RBBP4: variants seen among roughly 807,000 people sequenced by gnomAD.
RBBP4 encodes the protein histone-binding protein RBBP4.
Under a neutral mutation model 57.2 loss-of-function variants are expected in RBBP4, and 3 were observed. That is an observed-to-expected ratio of 0.05 (90% CI 0.02 to 0.14). RBBP4 has a LOEUF of 0.14. RBBP4 is among the 10% of genes least tolerant of loss of function. The pLI, the probability that RBBP4 is intolerant of heterozygous loss-of-function variation, is 1.00. For missense variants in RBBP4, 107 were observed against 520.6 expected (o/e 0.21, Z 7.73); for synonymous variants, 151 against 171.5 (o/e 0.88, Z 0.93).
chr1:32,661,259 G>A (rs1049486863), intron 3 of RBBP4, among the ~76,000 whole-genome samples: 1 of 149,942 alleles, frequency 6.7e-6, no homozygotes, highest in Non-Finnish European at 1.5e-5. Context: ...TATATTCCCG[G>A]TAATGGGATT....
chr1:32,667,980 A>G (rs953942227), intron 3 of RBBP4, among the ~76,000 whole-genome samples: 2 of 152,172 alleles, frequency 1.3e-5, no homozygotes, highest in Non-Finnish European at 2.9e-5. Flanking sequence ...ATTAATGGCT[A>G]GTTGAATTCA....
chr1:32,652,132 T>C, intron 2 of RBBP4, 71 bp downstream of exon 2: 2 of 1,512,750 alleles, frequency 1.3e-6, no homozygotes, highest in Non-Finnish European at 1.8e-6. Flanking sequence ...TTTTCTTTTT[T>C]CCGCTCTTCA....
chr1:32,659,556 C>T (rs1186197067), intron 3 of RBBP4, among the ~76,000 whole-genome samples: 1 of 89,196 alleles, frequency 1.1e-5, no homozygotes, highest in East Asian at 3.2e-4. Flanking sequence ...AAAAGGGAAA[C>T]TCCGTCTCAA....
At chr1:32,662,177 C>T in intron 3 of RBBP4, 1 of 316,276 alleles carries the variant, frequency 3.2e-6, no homozygotes, top group Non-Finnish European at 6.5e-6. Flanking sequence ...AGCCACCGCG[C>T]CCGGGTTTTT....
chr1:32,679,943 T>C lies in RBBP4; in HGVS notation c.*238T>C. ...TTCAGGAATTTTCTAGTAACCCAGG[T>C]CTAAAGTAGCTACAGAAAGGGGAAT... is the stretch of plus-strand genomic sequence containing the variant. On this transcript the variant is annotated 3_prime_UTR_variant, in exon 12 of 12. Transcript: ENST00000373493. The C allele has an allele frequency of 7.8e-7, 1 of 1,288,972 alleles. No homozygotes were observed. The highest frequency in any genetic ancestry group is 9.8e-7 in the Non-Finnish European group (1 of 1,021,244). The allele number at this position is 1,288,972 out of a possible 1,614,324, so 79.8% of individuals were successfully genotyped here.
intron 2 of RBBP4, among the ~76,000 whole-genome samples, chr1:32,655,897 G>A (rs797016761): frequency 4.6e-5 from 7 of 152,302 alleles, no homozygotes; most frequent in African/African-American, 1.4e-4. Context: ...ATCAGCTGGA[G>A]GTACTGTGAA....
In RBBP4 at chr1:32,652,950, ATATG is replaced by A. The variant is rs1440787478; in HGVS notation, c.164+890_164+893del. Among the ~76,000 whole-genome samples, 7 of 152,348 alleles carry A rather than the reference ATATG, an allele frequency of 4.6e-5. No homozygotes were observed. In the East Asian group the frequency reaches 1.3e-3, roughly 29 times the overall value. ...GATATAAACTAATAATTATAGTTAT[ATATG>A]GTGACAGCAGTTGTAGAGAGATAAT... is the stretch of plus-strand genomic sequence containing the variant. On this transcript the variant is annotated intron_variant, in intron 2 of 11. Transcript: ENST00000373493.
At chr1:32,666,880 T>G (rs1469155649) in intron 3 of RBBP4, among the ~76,000 whole-genome samples, 1 of 152,212 alleles carries the variant, frequency 6.6e-6, no homozygotes, top group South Asian at 2.1e-4. Context: ...GTTGTATTAC[T>G]AATATAACCA....
intron 2 of RBBP4, among the ~76,000 whole-genome samples, chr1:32,653,695 C>T (rs1648009703): frequency 8.2e-6 from 1 of 121,490 alleles, no homozygotes; most frequent in Non-Finnish European, 1.6e-5. Flanking sequence ...AGTCTCCTCT[C>T]TTGCCCAGGC....
At position 32,683,286 on chromosome 1, in the gene RBBP4, G is replaced by T. The variant is rs888494145; in HGVS notation, c.*3581G>T. The T allele has an allele frequency of 6.8e-6, 1 of 146,164 alleles. No individual in the cohort carries two copies. Among genetic ancestry groups the T allele is most frequent in the Non-Finnish European group, 1.5e-5 (1 of 66,694 alleles). 9.1% of individuals were successfully genotyped at this position (146,164 alleles called of 1,614,324 possible). A position where few individuals can be genotyped will look rare whatever the true frequency, so the allele number is the denominator to read the frequency against. On this transcript the variant is annotated 3_prime_UTR_variant, in exon 12 of 12. Transcript: ENST00000373493. Reference sequence around the variant, plus strand: ...TCTCAAAAAAAAAAAAAAAAAAAAAGAGTAAGTCTGTGTAACATGAACATC... The same window carrying T: ...TCTCAAAAAAAAAAAAAAAAAAAAATAGTAAGTCTGTGTAACATGAACATC...
intron 1 of RBBP4, 116 bp downstream of exon 1, chr1:32,651,438 G>GA: frequency 7.3e-7 from 1 of 1,369,094 alleles, no homozygotes; most frequent in Non-Finnish European, 9.5e-7. Flanking sequence ...CCCCGGTACT[G>GA]AAGGCGTGAA....
rs189277826 is a variant in RBBP4 at position 32,676,466 on chromosome 1, C to G, written c.1213-3174C>G. On this transcript the variant is annotated intron_variant, in intron 11 of 11. Coordinates refer to ENST00000373493, the MANE Select transcript of RBBP4 (RefSeq NM_005610.3). ...CTAAAAAATAAATACAAAAATTAGCCAGGCATGGTGACGGGCGCCTGTAAT... is the reference window on the plus strand; with the variant it reads ...CTAAAAAATAAATACAAAAATTAGCGAGGCATGGTGACGGGCGCCTGTAAT... Among the ~76,000 whole-genome samples, 229 of 151,914 alleles carry G rather than the reference C, an allele frequency of 1.5e-3. 2 individuals carry two copies. The highest frequency in any genetic ancestry group is 2.5e-4 in the Non-Finnish European group (17 of 67,984).
At chr1:32,673,854 TCTGGGAGGCCGAGG>T (rs1648980771) in intron 11 of RBBP4, among the ~76,000 whole-genome samples, 1 of 152,138 alleles carries the variant, frequency 6.6e-6, no homozygotes, top group African/African-American at 2.4e-5. Context: ...ATCCCAGTAC[TCTGGGAGGCCGAGG>T]CGGGTGGATC....
At chr1:32,675,778 A>C (rs1028734708) in intron 11 of RBBP4, among the ~76,000 whole-genome samples, 8 of 152,016 alleles carry the variant, frequency 5.3e-5, no homozygotes, top group Non-Finnish European at 1.2e-4. Context: ...CAAAAAAAAT[A>C]ATAAAAATAA....
intron 8 of RBBP4, 25 bp from the exon 9 acceptor site, chr1:32,672,425 C>A: frequency 1.3e-6 from 2 of 1,507,464 alleles, no homozygotes; most frequent in Admixed American, 2.0e-5. Flanking sequence ...CATGGCTTTG[C>A]TCTTTTCTTC....
chr1:32,670,900 C>T (rs1648847531), intron 8 of RBBP4, among the ~76,000 whole-genome samples: 1 of 152,204 alleles, frequency 6.6e-6, no homozygotes, highest in South Asian at 2.1e-4. Flanking sequence ...TACTTAGTCT[C>T]TTATTTTCTA....
chr1:32,655,130 A>C (rs1244096978), intron 2 of RBBP4, among the ~76,000 whole-genome samples: 1 of 152,106 alleles, frequency 6.6e-6, no homozygotes, highest in Non-Finnish European at 1.5e-5. Context: ...TTGGGGCTAC[A>C]GGCACACGCT....
At chr1:32,674,512 G>A (rs1204596341) in intron 11 of RBBP4, among the ~76,000 whole-genome samples, 2 of 151,948 alleles carry the variant, frequency 1.3e-5, no homozygotes, top group Admixed American at 6.6e-5. Flanking sequence ...ACATGTGTGA[G>A]GCTGCCCACC....
At chr1:32,660,435 G>A (rs907654876) in intron 3 of RBBP4, among the ~76,000 whole-genome samples, 2 of 5,490 alleles carry the variant, frequency 3.6e-4, no homozygotes, top group South Asian at 0.013. Flanking sequence ...TATTTTTTTT[G>A]AGTCGGAGTC....
Sources: gnomAD v4.1 joint callset for allele counts (sites outside exome capture counted in the v4.1 genomes callset) on GRCh38, gnomAD v4.1.1 for gene constraint, MANE v1.5 for transcripts, NCBI Gene and HGNC (gene_info 2026-07-23, HGNC 2026-07-21) for gene names.